The following SOX6 variants were observed in gnomAD, a reference collection of about 807,000 sequenced individuals.
SOX6 encodes the protein SRY-box transcription factor 6, also known as transcription factor SOX-6.
SOX6 carries 11 observed loss-of-function variants against 97.8 expected under a neutral mutation model. The ratio of observed to expected loss-of-function variants is 0.11; its 90% CI spans 0.07 to 0.19. The LOEUF (loss-of-function observed/expected upper bound fraction) is 0.19. SOX6 is among the 10% of genes least tolerant of loss of function. The probability of loss-of-function intolerance (pLI) is 1.00; values close to 1 mark genes in which losing one functional copy is unlikely to be tolerated. For missense variants in SOX6, 810 were observed against 1,039.5 expected (o/e 0.78, Z 3.04); for synonymous variants, 360 against 371.4 (o/e 0.97, Z 0.35).
intron 4 of SOX6, among the ~76,000 whole-genome samples, chr11:16,495,264 C>T (rs1375731618): frequency 6.6e-6 from 1 of 152,192 alleles, no homozygotes; most frequent in African/African-American, 2.4e-5. Context: ...AAAGCACCTC[C>T]ACAATCCCTA....
intron 11 of SOX6, among the ~76,000 whole-genome samples, chr11:16,049,410 A>C (rs1166762025): frequency 1.3e-5 from 2 of 152,170 alleles, no homozygotes; most frequent in Admixed American, 6.5e-5. Flanking sequence ...ATTTCAAATA[A>C]ATTTTGGTCT....
At chr11:16,441,987 C>T (rs149761398) in intron 1 of SOX6, among the ~76,000 whole-genome samples, 2 of 152,212 alleles carry the variant, frequency 1.3e-5, no homozygotes, top group African/African-American at 4.8e-5. Context: ...ACTGGCAACT[C>T]TCTTCATAAC....
intron 1 of SOX6, among the ~76,000 whole-genome samples, chr11:16,443,928 G>A (rs756221794): frequency 3.3e-5 from 5 of 149,268 alleles, no homozygotes; most frequent in Non-Finnish European, 7.4e-5. Flanking sequence ...CAGGAGAATC[G>A]CTTGAACCCG....
chr11:16,602,882 G>A (rs1848287248), intron 4 of SOX6, among the ~76,000 whole-genome samples: 1 of 152,272 alleles, frequency 6.6e-6, no homozygotes, highest in Non-Finnish European at 1.5e-5. Context: ...TTAGCTGGGC[G>A]TGGTGGCGTG....
intron 3 of SOX6, among the ~76,000 whole-genome samples, chr11:16,298,282 C>T (rs1446015994): frequency 6.6e-6 from 1 of 152,126 alleles, no homozygotes; most frequent in Non-Finnish European, 1.5e-5. Context: ...TTCTAGTTAT[C>T]ATATTTAACC....
chr11:15,974,585 C>T (rs1181746381), intron 15 of SOX6, among the ~76,000 whole-genome samples: 1 of 144,110 alleles, frequency 6.9e-6, no homozygotes, highest in Non-Finnish European at 1.5e-5. Flanking sequence ...ATTCCCCTTC[C>T]TGTGTCCATG....
intron 1 of SOX6, among the ~76,000 whole-genome samples, chr11:16,433,485 C>A (rs1237106925): frequency 6.6e-6 from 1 of 152,026 alleles, no homozygotes; most frequent in Admixed American, 6.6e-5. Flanking sequence ...TGGAATATGA[C>A]CTATAAAAAT....
intron 6 of SOX6, among the ~76,000 whole-genome samples, chr11:16,159,990 G>T (rs1191543143): frequency 6.6e-6 from 1 of 152,110 alleles, no homozygotes; most frequent in Non-Finnish European, 1.5e-5. Flanking sequence ...TAACATACCA[G>T]AAATGCAGGC....
rs78934484 is a variant in SOX6, at chr11:16,035,913, T to C, written c.1623+10601A>G. Among the ~76,000 whole-genome samples, 929 of 152,170 alleles carry C rather than the reference T, an allele frequency of 6.1e-3. 19 individuals carry two copies. Among genetic ancestry groups the C allele is most frequent in the East Asian group, 0.044 (227 of 5,162 alleles). ...GGACCGTGAACATTAGAGCAGAATC[T>C]GGAAAGCACACAGGACTGAGTGCCA... On this transcript the variant is annotated intron_variant, in intron 12 of 15. Transcript: ENST00000683767.
chr11:16,328,514 T>C (rs1359578679), intron 2 of SOX6, among the ~76,000 whole-genome samples: 4 of 152,212 alleles, frequency 2.6e-5, no homozygotes, highest in Non-Finnish European at 4.4e-5. Context: ...TTCCTTGGTA[T>C]GCAGTGCATT....
chr11:16,186,714 A>G, intron 5 of SOX6, 69 bp downstream of exon 5: 1 of 1,522,828 alleles, frequency 6.6e-7, no homozygotes. Flanking sequence ...TAAGCCAATC[A>G]ATTTGATTAC....
At chr11:16,283,909 G>T (rs1364201096) in intron 3 of SOX6, 1 of 431,808 alleles carries the variant, frequency 2.3e-6, no homozygotes, top group Non-Finnish European at 4.6e-6. Context: ...AATCTTGAAA[G>T]AAAGACTTGC....
intron 1 of SOX6, among the ~76,000 whole-genome samples, chr11:16,464,558 T>C (rs1051490713): frequency 6.6e-6 from 1 of 151,258 alleles, no homozygotes; most frequent in African/African-American, 2.4e-5. Flanking sequence ...GTCAGAAAAA[T>C]GATTCCAAAG....
chr11:16,471,466 A>C (rs1410976428), intron 1 of SOX6, among the ~76,000 whole-genome samples: 1 of 152,108 alleles, frequency 6.6e-6, no homozygotes, highest in Non-Finnish European at 1.5e-5. Context: ...AGACTTGCAC[A>C]CCTTACTAAG....
chr11:15,986,415 G>A lies in SOX6; in HGVS notation c.1972C>T (p.Arg658Cys), dbSNP rs373804615. The change falls in exon 15 of 16, where the codon CGC (arginine) becomes TGC (cysteine). Residue 658 changes from arginine (R) to cysteine (C), a missense_variant. Coordinates refer to ENST00000683767, the MANE Select transcript of SOX6 (RefSeq NM_001367873.1). ...TCCTGGTTGGACATTGATTTCCAGCGAGATCCTAGAAATAAAAATAGCCTT... is the reference window on the plus strand; with the variant it reads ...TCCTGGTTGGACATTGATTTCCAGCAAGATCCTAGAAATAAAAATAGCCTT... ...NSNISKILGS[R>C]WKSMSNQEKQ... The A allele has an allele frequency of 5.0e-6, 8 of 1,613,696 alleles. No individual in the cohort carries two copies. Among genetic ancestry groups the A allele is most frequent in the African/African-American group, 2.7e-5 (2 of 74,852 alleles).
intron 6 of SOX6, among the ~76,000 whole-genome samples, chr11:16,141,918 C>T (rs1564978929): frequency 6.6e-6 from 1 of 152,280 alleles, no homozygotes; most frequent in East Asian, 1.9e-4. Flanking sequence ...GTAGACTCCA[C>T]CTCTGGAGGC....
intron 1 of SOX6, chr11:16,465,890 A>G (rs1463473328): frequency 6.6e-6 from 1 of 152,238 alleles, no homozygotes; most frequent in Admixed American, 6.5e-5. Flanking sequence ...TAAACTCTCT[A>G]GTAACATAAC....
chr11:16,703,985 T>C (rs1848113245), intron 3 of SOX6, among the ~76,000 whole-genome samples: 1 of 152,292 alleles, frequency 6.6e-6, no homozygotes, highest in East Asian at 1.9e-4. Context: ...ACAAATCTAA[T>C]CTGCTGCTAA....
At chr11:16,506,408 C>T (rs111864072) in intron 4 of SOX6, among the ~76,000 whole-genome samples, 138 of 152,272 alleles carry the variant, frequency 9.1e-4, no homozygotes, top group African/African-American at 3.1e-3. Flanking sequence ...GCCTATACCC[C>T]CATTGTATCT....
Sources: allele counts gnomAD v4.1 joint callset (sites outside exome capture counted in the v4.1 genomes callset), GRCh38; gene constraint gnomAD v4.1.1; transcripts MANE v1.5; gene names NCBI Gene and HGNC (gene_info 2026-07-23, HGNC 2026-07-21).